PHC2: variants seen among roughly 807,000 people sequenced by gnomAD.
PHC2 encodes the protein polyhomeotic-like protein 2.
Under a neutral mutation model 87.4 loss-of-function variants are expected in PHC2, and 29 were observed. The ratio of observed to expected loss-of-function variants is 0.33; its 90% CI spans 0.25 to 0.45. The LOEUF is 0.45. Ranked by LOEUF, PHC2 falls within the 20% of genes least tolerant of loss-of-function variation. The pLI is 1.00. For synonymous variants in PHC2, 438 were observed against 461.7 expected (o/e 0.95, Z 0.66); for missense variants, 857 against 1,136.7 (o/e 0.75, Z 3.54).
At position 33,368,230 on chromosome 1, in the gene PHC2, C is replaced by A. The variant is rs1354067641; in HGVS notation, c.663+306G>T. Among the ~76,000 whole-genome samples, 2 of 152,236 alleles carry A rather than the reference C, an allele frequency of 1.3e-5. No homozygotes were observed. Among genetic ancestry groups the A allele is most frequent in the Non-Finnish European group, 2.9e-5 (2 of 68,036 alleles). On this transcript the variant is annotated intron_variant, in intron 6 of 14. Transcript: ENST00000683057. The surrounding 1 kb of genome is among the most constrained non-coding windows in gnomAD (Gnocchi z 6.6). Reference sequence around the variant, plus strand: ...CACTTATGAAGCAGCAGCAGCCAGACCAGCTATGCTGGGGCAGGTGTAAAG... The same window carrying A: ...CACTTATGAAGCAGCAGCAGCCAGAACAGCTATGCTGGGGCAGGTGTAAAG...
chr1:33,344,854 C>T (rs1646817160), intron 9 of PHC2, among the ~76,000 whole-genome samples: 2 of 152,082 alleles, frequency 1.3e-5, no homozygotes, highest in Admixed American at 6.5e-5. Context: ...AGTGATCCTC[C>T]TGCCTCGGCC....
At chr1:33,415,328 GTAAA>G (rs1650160010) in intron 1 of PHC2, among the ~76,000 whole-genome samples, 1 of 152,212 alleles carries the variant, frequency 6.6e-6, no homozygotes, top group South Asian at 2.1e-4. Context: ...TTACAGGGCT[GTAAA>G]TAGTTTGTGT....
At chr1:33,391,587 A>G (rs890184312) in intron 1 of PHC2, among the ~76,000 whole-genome samples, 1 of 151,834 alleles carries the variant, frequency 6.6e-6, no homozygotes, top group Admixed American at 6.6e-5. Flanking sequence ...ATACATCTGC[A>G]TATTTTTTAC....
intron 1 of PHC2, among the ~76,000 whole-genome samples, chr1:33,415,354 T>C (rs959317764): frequency 6.6e-6 from 1 of 152,198 alleles, no homozygotes; most frequent in Non-Finnish European, 1.5e-5. Context: ...CACATCTATC[T>C]GAGCAGAAAG....
At chr1:33,403,650 A>G (rs1649637480) in intron 1 of PHC2, among the ~76,000 whole-genome samples, 1 of 152,058 alleles carries the variant, frequency 6.6e-6, no homozygotes. Flanking sequence ...TCAAATATCT[A>G]CTCTACGGAA....
intron 9 of PHC2, among the ~76,000 whole-genome samples, chr1:33,342,016 C>T (rs750242982): frequency 2.0e-5 from 3 of 152,208 alleles, no homozygotes; most frequent in Non-Finnish European, 2.9e-5. Flanking sequence ...AGGACCTCTC[C>T]CAGAGAAGGG....
chr1:33,425,626 C>G (rs932717407), intron 1 of PHC2, among the ~76,000 whole-genome samples: 1 of 152,046 alleles, frequency 6.6e-6, no homozygotes, highest in African/African-American at 2.4e-5. Context: ...AGAGGTAATG[C>G]TTGAATTGAG....
At position 33,331,635 on chromosome 1, in the gene PHC2, C is replaced by T. The variant is rs1646500045; in HGVS notation, c.1892-173G>A. ...GCCAGTGGTTCTCACCCCTGGAATGCACTCAAGGGTGTCTGGGGATGCCCC... is the reference window on the plus strand; with the variant it reads ...GCCAGTGGTTCTCACCCCTGGAATGTACTCAAGGGTGTCTGGGGATGCCCC... On this transcript the variant is annotated intron_variant, in intron 11 of 14. Transcript: ENST00000683057. This position sits in a 1 kb window ranked among gnomAD's most constrained non-coding sequence, Gnocchi z 5.2. 1.9e-6 allele frequency: 1 copy of T among 526,094 alleles called. No homozygotes were observed. Among genetic ancestry groups the T allele is most frequent in the East Asian group, 3.0e-5 (1 of 33,008 alleles). 32.6% of individuals were successfully genotyped at this position (526,094 alleles called of 1,614,324 possible).
intron 7 of PHC2, among the ~76,000 whole-genome samples, chr1:33,355,741 G>A (rs1444709838): frequency 6.6e-6 from 1 of 152,254 alleles, no homozygotes; most frequent in African/African-American, 2.4e-5. Flanking sequence ...GGAAGAGCCA[G>A]TAGACAACGG....
At chr1:33,351,938 T>A (rs1276338135) in intron 9 of PHC2, among the ~76,000 whole-genome samples, 1 of 97,322 alleles carries the variant, frequency 1.0e-5, no homozygotes, top group Admixed American at 1.5e-4. Flanking sequence ...GGCGACAGAG[T>A]AAGAATGCAT....
Position 33,431,081 on chromosome 1 carries a change from A to T in PHC2, c.-160T>A, listed in dbSNP as rs932570509. ...GCCGCGCACCCTGCTGGCTGCTCGG[A>T]CGCTGCCCGCGGAGGAGGGGCGAGG... On this transcript the variant is annotated 5_prime_UTR_variant, in exon 1 of 15. Coordinates refer to ENST00000683057, the MANE Select transcript of PHC2 (RefSeq NM_001385109.1). 10 of 151,928 alleles carry T rather than the reference A, an allele frequency of 6.6e-5. No individual in the cohort carries two copies. The highest frequency in any genetic ancestry group is 2.1e-4 in the South Asian group (1 of 4,826). 9.4% of individuals were successfully genotyped at this position (151,928 alleles called of 1,614,324 possible).
chr1:33,367,481 G>A, intron 6 of PHC2, 53 bp from the exon 7 acceptor site: 1 of 1,349,396 alleles, frequency 7.4e-7, no homozygotes, highest in Non-Finnish European at 1.0e-6. Flanking sequence ...AGCAATGCCA[G>A]TATACAACTA....
chr1:33,420,463 A>G (rs1650390218), intron 1 of PHC2, among the ~76,000 whole-genome samples: 1 of 152,196 alleles, frequency 6.6e-6, no homozygotes, highest in Admixed American at 6.5e-5. Flanking sequence ...GAAAAAAATC[A>G]GCTCACTCTT....
chr1:33,397,239 C>G (rs1435860257), intron 1 of PHC2, among the ~76,000 whole-genome samples: 2 of 152,172 alleles, frequency 1.3e-5, no homozygotes, highest in Non-Finnish European at 2.9e-5. Context: ...CCAGGGTTCT[C>G]CAGAGGGAGC....
chr1:33,335,996 G>T lies in PHC2; in HGVS notation c.1559-1704C>A, dbSNP rs575568191. Among the ~76,000 whole-genome samples, 1,161 of 146,542 alleles carry T rather than the reference G, an allele frequency of 7.9e-3. 43 individuals carry two copies. The highest frequency in any genetic ancestry group is 0.057 in the Admixed American group (840 of 14,706). ...TGTTTTTGTTGTTGTTGTTGTTGTTGTTTTTTTTTTTAGATGGAGTCTCAC... is the reference window on the plus strand; with the variant it reads ...TGTTTTTGTTGTTGTTGTTGTTGTTTTTTTTTTTTTTAGATGGAGTCTCAC... On this transcript the variant is annotated intron_variant, in intron 9 of 14. Coordinates refer to ENST00000683057, the MANE Select transcript of PHC2 (RefSeq NM_001385109.1).
At chr1:33,363,925 G>A (rs369120807) in intron 7 of PHC2, 187 of 985,000 alleles carry the variant, frequency 1.9e-4, no homozygotes, top group Admixed American at 1.7e-3. Context: ...TCAGTGAGAA[G>A]GGCAAGCCAG....
At chr1:33,326,605 A>G (rs1646376626) in intron 14 of PHC2, among the ~76,000 whole-genome samples, 2 of 152,234 alleles carry the variant, frequency 1.3e-5, no homozygotes, top group African/African-American at 4.8e-5. Context: ...GGACCCCAAC[A>G]AGATTCCCAG....
At chr1:33,345,750 G>C in intron 9 of PHC2, 1 of 984,664 alleles carries the variant, frequency 1.0e-6, no homozygotes, top group Non-Finnish European at 1.2e-6. Context: ...TTATGTCTTG[G>C]ATATGCAAAT....
At chr1:33,424,594 C>T (rs74791489) in intron 1 of PHC2, among the ~76,000 whole-genome samples, 2,715 of 152,228 alleles carry the variant, frequency 0.018, 74 homozygotes, top group African/African-American at 0.061. Context: ...TGGTCTCTGC[C>T]CAAAACTTGT....
Sources: gnomAD v4.1 joint callset for allele counts (sites outside exome capture counted in the v4.1 genomes callset) on GRCh38, gnomAD v4.1.1 for gene constraint, Gnocchi (gnomAD v3.1) non-coding constraint, MANE v1.5 for transcripts, NCBI Gene and HGNC (gene_info 2026-07-23, HGNC 2026-07-21) for gene names.